The following MAN1C1 variants were observed in gnomAD, a reference collection of about 807,000 sequenced individuals.
The protein encoded by MAN1C1 is mannosidase alpha class 1C member 1, also known as mannosyl-oligosaccharide 1,2-alpha-mannosidase IC.
In MAN1C1, 49 loss-of-function variants were observed where a neutral mutation model predicts 71.5. The observed-to-expected ratio is 0.69, with a 90% CI of 0.54 to 0.87. The LOEUF (loss-of-function observed/expected upper bound fraction) is 0.87, where lower values mean the gene tolerates loss of function less well. MAN1C1 is among the 40% of genes least tolerant of loss of function. The pLI, the probability that MAN1C1 is intolerant of heterozygous loss-of-function variation, is 0.00. For synonymous variants in MAN1C1, 352 were observed against 343.7 expected, an observed-to-expected ratio of 1.02 and a Z score of -0.27; for missense variants, 743 against 835.0, an observed-to-expected ratio of 0.89 and a Z score of 1.36.
chr1:25,731,333 A>G (rs1441559557), intron 2 of MAN1C1, among the ~76,000 whole-genome samples: 2 of 140,456 alleles, frequency 1.4e-5, no homozygotes, highest in Admixed American at 6.8e-5. Flanking sequence ...AATCATCATC[A>G]TCGTCATCAT....
At chr1:25,644,518 A>ATATTTTTTTTT (rs61386117) in intron 1 of MAN1C1, 1 of 40,286 alleles carries the variant, frequency 2.5e-5, no homozygotes, top group Non-Finnish European at 3.6e-5. Flanking sequence ...ATATATATAT[A>ATATTTTTTTTT]TTTTTTTTTT....
chr1:25,734,215 A>G (rs2046950623), intron 2 of MAN1C1, among the ~76,000 whole-genome samples: 1 of 152,058 alleles, frequency 6.6e-6, no homozygotes. Context: ...TGCAACCTCC[A>G]CCTCATGGGT....
intron 2 of MAN1C1, among the ~76,000 whole-genome samples, chr1:25,736,275 T>A (rs927939431): frequency 1.3e-5 from 2 of 152,128 alleles, no homozygotes; most frequent in Non-Finnish European, 2.9e-5. Flanking sequence ...AGGTAGTACC[T>A]TCTCTGCTGG....
intron 1 of MAN1C1, among the ~76,000 whole-genome samples, chr1:25,667,484 CAAAA>C (rs756375842): frequency 2.0e-3 from 100 of 49,310 alleles, no homozygotes; most frequent in Non-Finnish European, 4.1e-3. Flanking sequence ...GACTCCATCT[CAAAA>C]AAAAAAAAAA....
intron 2 of MAN1C1, among the ~76,000 whole-genome samples, chr1:25,724,201 G>C (rs1056727402): frequency 1.3e-5 from 2 of 152,008 alleles, no homozygotes; most frequent in African/African-American, 4.8e-5. Flanking sequence ...GCTAATTTTT[G>C]TATTTTTAAT....
At chr1:25,680,644 C>T (rs935107594) in intron 1 of MAN1C1, among the ~76,000 whole-genome samples, 2 of 152,216 alleles carry the variant, frequency 1.3e-5, no homozygotes, top group African/African-American at 4.8e-5. Flanking sequence ...TGCAACAGTG[C>T]TTCATTCCTT....
intron 2 of MAN1C1, among the ~76,000 whole-genome samples, chr1:25,717,999 T>TACACACACAC (rs71577794): frequency 5.2e-4 from 77 of 148,598 alleles, no homozygotes; most frequent in African/African-American, 1.6e-3. Flanking sequence ...TAGCTTTATT[T>TACACACACAC]ACACACACAC....
At chr1:25,767,723 C>T (rs1346386166) in intron 7 of MAN1C1, among the ~76,000 whole-genome samples, 1 of 137,372 alleles carries the variant, frequency 7.3e-6, no homozygotes, top group Non-Finnish European at 1.6e-5. Flanking sequence ...ATTACACACT[C>T]CCCTCACACA....
At position 25,783,898 on chromosome 1, in the gene MAN1C1, C is replaced by T. The variant is rs2047732945; in HGVS notation, c.*109C>T. The T allele has an allele frequency of 7.1e-7, 1 of 1,400,690 alleles. No homozygotes were observed. The highest frequency in any genetic ancestry group is 9.6e-7 in the Non-Finnish European group (1 of 1,044,990). The allele number at this position is 1,400,690 out of a possible 1,614,324, so 86.8% of individuals were successfully genotyped here. A position where few individuals can be genotyped will look rare whatever the true frequency, so the allele number is the denominator to read the frequency against. On this transcript the variant is annotated 3_prime_UTR_variant, in exon 12 of 12. Transcript: ENST00000374332. ...AACGAAGGCCCCATCTCGGGCAGAC[C>T]CCCAGCAGATGTGTCGGACAAGCAA... is the stretch of plus-strand genomic sequence containing the variant.
chr1:25,656,095 C>CTTTTTTTGTTTTTTTTTTTTTTTT (rs2045761247), intron 1 of MAN1C1, among the ~76,000 whole-genome samples: 1 of 74,988 alleles, frequency 1.3e-5, no homozygotes, highest in Non-Finnish European at 2.2e-5. Flanking sequence ...GATTATCAGT[C>CTTTTTTTGTTTTTTTTTTTTTTTT]TTTTTTTTTT....
chr1:25,657,576 C>T (rs985055050), intron 1 of MAN1C1, among the ~76,000 whole-genome samples: 5 of 152,248 alleles, frequency 3.3e-5, no homozygotes, highest in Non-Finnish European at 7.3e-5. Flanking sequence ...AAGGGCTTCA[C>T]ACTCCCTGTG....
chr1:25,768,068 C>T (rs2047472550), intron 7 of MAN1C1, among the ~76,000 whole-genome samples: 6 of 37,498 alleles, frequency 1.6e-4, no homozygotes, highest in East Asian at 0.017. Flanking sequence ...CTCACACACA[C>T]ACACACTCCC....
intron 2 of MAN1C1, among the ~76,000 whole-genome samples, chr1:25,728,402 T>C (rs768535196): frequency 2.6e-5 from 4 of 152,152 alleles, no homozygotes; most frequent in Non-Finnish European, 5.9e-5. Flanking sequence ...AACAATCTGT[T>C]TGAGAGAAAC....
At chr1:25,694,382 G>A (rs2046344577) in intron 2 of MAN1C1, among the ~76,000 whole-genome samples, 1 of 152,142 alleles carries the variant, frequency 6.6e-6, no homozygotes. Context: ...ATTGGATTCC[G>A]CCTCTGCCTC....
At chr1:25,643,257 T>TTA (rs1557745547) in intron 1 of MAN1C1, among the ~76,000 whole-genome samples, 68 of 146,660 alleles carry the variant, frequency 4.6e-4, no homozygotes, top group African/African-American at 1.4e-3. Context: ...TTAATTAATT[T>TTA]ATTTACTTAC....
chr1:25,656,311 C>T (rs1003771867), intron 1 of MAN1C1, among the ~76,000 whole-genome samples: 13 of 151,546 alleles, frequency 8.6e-5, no homozygotes, highest in Non-Finnish European at 1.6e-4. Context: ...TTGGGCAGCC[C>T]GGTCTCGAAC....
chr1:25,628,561 G>T (rs1334122542), intron 1 of MAN1C1, among the ~76,000 whole-genome samples: 3 of 152,172 alleles, frequency 2.0e-5, no homozygotes, highest in African/African-American at 4.8e-5. Context: ...ATCTGCCCCT[G>T]CCTCCCAAAG....
intron 1 of MAN1C1, among the ~76,000 whole-genome samples, chr1:25,685,569 C>T (rs999098118): frequency 2.6e-5 from 4 of 152,214 alleles, no homozygotes; most frequent in African/African-American, 7.2e-5. Context: ...GGTCCTGGGG[C>T]AGCTGGGGAG....
intron 1 of MAN1C1, chr1:25,644,518 A>ATATATATATATTTTTTTT (rs61386117): frequency 7.4e-5 from 3 of 40,290 alleles, no homozygotes; most frequent in African/African-American, 3.8e-4. Flanking sequence ...ATATATATAT[A>ATATATATATATTTTTTTT]TTTTTTTTTT....
Sources: allele counts gnomAD v4.1 joint callset (sites outside exome capture counted in the v4.1 genomes callset), GRCh38; gene constraint gnomAD v4.1.1; transcripts MANE v1.5; gene names NCBI Gene and HGNC (gene_info 2026-07-23, HGNC 2026-07-21).